The following C6orf132 variants were observed in gnomAD, a reference collection of about 807,000 sequenced individuals.
The protein encoded by C6orf132 is uncharacterized protein C6orf132.
A neutral mutation model predicts 65.3 loss-of-function variants in C6orf132; 43 were observed. The ratio of observed to expected loss-of-function variants is 0.66; its 90% CI spans 0.52 to 0.85. The LOEUF is 0.85. Ranked by LOEUF, C6orf132 falls within the 40% of genes least tolerant of loss-of-function variation. C6orf132 has a pLI of 0.00. For missense variants in C6orf132, 1,488 were observed against 1,548.8 expected (o/e 0.96, Z 0.66); for synonymous variants, 631 against 654.1 (o/e 0.96, Z 0.54).
intron 2 of C6orf132, among the ~76,000 whole-genome samples, chr6:42,123,878 C>T (rs1379882144): frequency 3.9e-5 from 6 of 152,298 alleles, no homozygotes; most frequent in South Asian, 2.1e-4. Flanking sequence ...CAGCTCCTCA[C>T]GGCTCCCCAA....
chr6:42,104,474 T>A lies in C6orf132; in HGVS notation c.3438A>T (p.Pro1146=). 4 of 1,231,138 alleles carry A rather than the reference T, an allele frequency of 3.2e-6. No individual in the cohort carries two copies. Among genetic ancestry groups the A allele is most frequent in the Non-Finnish European group, 3.0e-6 (3 of 987,714 alleles). The allele number at this position is 1,231,138 out of a possible 1,614,324, so 76.3% of individuals were successfully genotyped here. ...APGSADYGFA[P]AAGRSPYTTT... is the part of the protein sequence containing the mutation. ...GGCCCGCAGCTCACCTGCCGGCAGC[T>A]GGGGCGAAGCCGTAGTCGGCGCTGC... is the stretch of plus-strand genomic sequence containing the variant. Residue 1146 remains proline, a synonymous_variant, in exon 4 of 5, where the codon CCA becomes CCT. Coordinates refer to ENST00000341865, the MANE Select transcript of C6orf132 (RefSeq NM_001164446.3). This position sits in a 1 kb window ranked among gnomAD's most constrained non-coding sequence, Gnocchi z 4.1.
At chr6:42,109,539 GC>G (rs1354443920) in intron 3 of C6orf132, among the ~76,000 whole-genome samples, 6 of 152,118 alleles carry the variant, frequency 3.9e-5, no homozygotes, top group Non-Finnish European at 7.4e-5. Flanking sequence ...CAGATGCCTC[GC>G]AGAAGAGCAT....
In C6orf132 at chr6:42,104,776, C is replaced by G; in HGVS notation, c.3136G>C (p.Ala1046Pro). The change falls in exon 4 of 5, where the codon GCC becomes CCC. Residue 1046 changes from alanine to proline, a missense_variant. Physicochemically the swap from Ala to Pro is conservative, Grantham distance 27. Transcript: ENST00000341865. The surrounding 1 kb of genome is among the most constrained non-coding windows in gnomAD (Gnocchi z 4.1). ...FSRFPAGARY[A>P]GAGGLERFSG... ...AAGCGCTCCAGGCCCCCAGCCCCGG[C>G]GTAGCGCGCGCCCGCGGGAAAGCGC... 1 of 1,506,224 alleles carries G rather than the reference C, an allele frequency of 6.6e-7. No homozygotes were observed. Among genetic ancestry groups the G allele is most frequent in the Non-Finnish European group, 8.8e-7 (1 of 1,134,394 alleles). The allele number at this position is 1,506,224 out of a possible 1,614,324, so 93.3% of individuals were successfully genotyped here.
At chr6:42,136,863 C>G (rs866855696) in intron 1 of C6orf132, among the ~76,000 whole-genome samples, 1 of 151,982 alleles carries the variant, frequency 6.6e-6, no homozygotes, top group South Asian at 2.1e-4. Context: ...GAGGACGGAA[C>G]AGAAACGGAA....
chr6:42,110,123 C>T, intron 3 of C6orf132, 93 bp downstream of exon 3: 1 of 1,038,242 alleles, frequency 9.6e-7, no homozygotes, highest in South Asian at 1.7e-5. Context: ...GGCTTTGTCA[C>T]CAGCTGTGAA....
rs2127473916 is a variant in C6orf132, at chr6:42,107,599, G to A, written c.329-16C>T. 1.3e-6 allele frequency: 2 copies of A among 1,549,342 alleles called. No individual in the cohort carries two copies. Among genetic ancestry groups the A allele is most frequent in the Admixed American group, 2.0e-5 (1 of 50,886 alleles). ...GAGCTGGTACCTGAAAGAAGGAGAG[G>A]CAAAGATGGGGGGCAGGAACAAGGC... On this transcript the variant is annotated splice_polypyrimidine_tract_variant and intron_variant, in intron 3 of 4. Coordinates refer to ENST00000341865, the MANE Select transcript of C6orf132 (RefSeq NM_001164446.3).
chr6:42,131,578 CG>C (rs1766854333), intron 1 of C6orf132, among the ~76,000 whole-genome samples: 1 of 152,162 alleles, frequency 6.6e-6, no homozygotes, highest in South Asian at 2.1e-4. Flanking sequence ...CCACCATGTA[CG>C]GGGGTGAGGA....
chr6:42,136,647 A>C (rs1190734957), intron 1 of C6orf132, among the ~76,000 whole-genome samples: 4 of 152,196 alleles, frequency 2.6e-5, no homozygotes, highest in Non-Finnish European at 4.4e-5. Flanking sequence ...CCCCATGTGA[A>C]TGTAACTCAC....
At chr6:42,133,174 C>T (rs553551084) in intron 1 of C6orf132, among the ~76,000 whole-genome samples, 6 of 152,290 alleles carry the variant, frequency 3.9e-5, no homozygotes, top group East Asian at 3.9e-4. Context: ...AGAAGCAGCT[C>T]CCTCCTCAGT....
At chr6:42,111,496 C>T (rs1766495036) in intron 2 of C6orf132, among the ~76,000 whole-genome samples, 1 of 152,072 alleles carries the variant, frequency 6.6e-6, no homozygotes, top group Non-Finnish European at 1.5e-5. Flanking sequence ...GTTGGCCAGG[C>T]TGGTCCTGAA....
chr6:42,141,220 T>A (rs973308827), intron 1 of C6orf132, among the ~76,000 whole-genome samples: 2 of 152,210 alleles, frequency 1.3e-5, no homozygotes, highest in Non-Finnish European at 2.9e-5. Context: ...ACCTGCATGC[T>A]GAACTGAGTC....
At chr6:42,112,450 G>T (rs1381379525) in intron 2 of C6orf132, among the ~76,000 whole-genome samples, 1 of 152,204 alleles carries the variant, frequency 6.6e-6, no homozygotes, top group African/African-American at 2.4e-5. Context: ...TACCTATTAG[G>T]TGTATGACTA....
intron 1 of C6orf132, among the ~76,000 whole-genome samples, chr6:42,137,826 G>A: frequency 6.8e-6 from 1 of 146,600 alleles, no homozygotes; most frequent in African/African-American, 2.5e-5. Flanking sequence ...CGGGGGCGGG[G>A]CGGGGCGGGG....
Position 42,104,110 on chromosome 6 carries a change from C to T in C6orf132, c.3450-232G>A, listed in dbSNP as rs77227933. On this transcript the variant is annotated intron_variant, in intron 4 of 4. Coordinates refer to ENST00000341865, the MANE Select transcript of C6orf132 (RefSeq NM_001164446.3). The surrounding 1 kb of genome is among the most constrained non-coding windows in gnomAD (Gnocchi z 4.1). ...ATGCCTAACAGCCTTTCACTCAGAA[C>T]TCTTTCACTCCTGGCCTGTGTCGGG... Among the ~76,000 whole-genome samples the T allele has an allele frequency of 0.017, 2,649 of 152,316 alleles. 85 individuals are homozygous for T. Among genetic ancestry groups the T allele is most frequent in the African/African-American group, 0.06 (2,514 of 41,572 alleles).
Position 42,141,050 on chromosome 6 carries a change from C to T in C6orf132, c.145+1250G>A, listed in dbSNP as rs533519295. ...ACTCAGAGGTCATCTCTCTTCTTTG[C>T]TTTTATGCTTAATAATCATTTACAG... On this transcript the variant is annotated intron_variant, in intron 1 of 4. Transcript: ENST00000341865. 2.0e-5 allele frequency among the ~76,000 whole-genome samples: 3 copies of T among 152,330 alleles called. No homozygotes were observed. In the East Asian group the frequency reaches 5.8e-4, roughly 29 times the overall value.
At chr6:42,141,033 G>A (rs756224909) in intron 1 of C6orf132, among the ~76,000 whole-genome samples, 18 of 152,184 alleles carry the variant, frequency 1.2e-4, no homozygotes, top group Non-Finnish European at 2.6e-4. Flanking sequence ...CCACTCAGAG[G>A]TCATCTCTCT....
At chr6:42,113,223 G>A (rs961768125) in intron 2 of C6orf132, among the ~76,000 whole-genome samples, 6 of 152,188 alleles carry the variant, frequency 3.9e-5, no homozygotes, top group African/African-American at 1.4e-4. Context: ...AAAAGCCAGG[G>A]TTGAGATCTC....
chr6:42,127,860 A>G (rs1766789449), intron 2 of C6orf132, among the ~76,000 whole-genome samples: 1 of 152,074 alleles, frequency 6.6e-6, no homozygotes, highest in South Asian at 2.1e-4. Context: ...AAGACTTAGC[A>G]TGAAAAAAAA....
intron 2 of C6orf132, among the ~76,000 whole-genome samples, chr6:42,120,914 C>G (rs1766674199): frequency 6.6e-6 from 1 of 152,202 alleles, no homozygotes; most frequent in Admixed American, 6.5e-5. Context: ...AGCCACCGCG[C>G]CTGGCCTAGT....
Sources: gnomAD v4.1 joint callset for allele counts (sites outside exome capture counted in the v4.1 genomes callset) on GRCh38, gnomAD v4.1.1 for gene constraint, Gnocchi (gnomAD v3.1) non-coding constraint, MANE v1.5 for transcripts, NCBI Gene and HGNC (gene_info 2026-07-23, HGNC 2026-07-21) for gene names.